PCDH15: variants seen among roughly 807,000 people sequenced by gnomAD.
PCDH15 encodes the protein protocadherin related 15.
In PCDH15, 129 loss-of-function variants were observed where a neutral mutation model predicts 178.5. The ratio of observed to expected loss-of-function variants is 0.72; its 90% CI spans 0.63 to 0.84. PCDH15 has a LOEUF of 0.84. Ranked by LOEUF, PCDH15 falls within the 40% of genes least tolerant of loss-of-function variation. The pLI is 0.00. For synonymous variants in PCDH15, 800 were observed against 732.0 expected, an observed-to-expected ratio of 1.09 and a Z score of -1.50; for missense variants, 2,230 against 2,099.9, an observed-to-expected ratio of 1.06 and a Z score of -1.21.
At chr10:55,150,131 G>A (rs993552124) in intron 2 of PCDH15, among the ~76,000 whole-genome samples, 1 of 151,810 alleles carries the variant, frequency 6.6e-6, no homozygotes, top group East Asian at 1.9e-4. Flanking sequence ...GAGGAGAGAA[G>A]ACAAGAGAAG....
At chr10:55,132,025 T>G (rs1220519289) in intron 2 of PCDH15, among the ~76,000 whole-genome samples, 1 of 152,062 alleles carries the variant, frequency 6.6e-6, no homozygotes, top group African/African-American at 2.4e-5. Context: ...GCTGTTCATG[T>G]GGATGGGTGC....
intron 1 of PCDH15, among the ~76,000 whole-genome samples, chr10:54,731,571 C>CATACACACACAT (rs376753438): frequency 1.0e-5 from 1 of 98,394 alleles, no homozygotes; most frequent in Non-Finnish European, 2.1e-5. Context: ...TATACACACA[C>CATACACACACAT]ACACACACAC....
chr10:54,046,825 A>G (rs776921397), intron 18 of PCDH15, among the ~76,000 whole-genome samples: 16 of 152,132 alleles, frequency 1.1e-4, no homozygotes, highest in Non-Finnish European at 1.8e-4. Context: ...TAAAGTTTAA[A>G]GGACAAGAGT....
intron 1 of PCDH15, among the ~76,000 whole-genome samples, chr10:55,315,593 A>G (rs561049094): frequency 2.5e-4 from 38 of 152,278 alleles, no homozygotes; most frequent in Non-Finnish European, 4.4e-4. Flanking sequence ...CCTCATCACC[A>G]TCCCCACATT....
intron 8 of PCDH15, among the ~76,000 whole-genome samples, chr10:54,298,309 A>G (rs936586284): frequency 6.6e-6 from 1 of 152,144 alleles, no homozygotes; most frequent in Admixed American, 6.5e-5. Flanking sequence ...GGCCCTGAAT[A>G]AAATCTGGAG....
intron 6 of PCDH15, among the ~76,000 whole-genome samples, chr10:54,344,904 C>CCAAAAAAAAA (rs58908008): frequency 1.1e-4 from 9 of 78,880 alleles, no homozygotes; most frequent in African/African-American, 2.9e-4. Flanking sequence ...AGAAACAAAG[C>CCAAAAAAAAA]AAAAAAAAAA....
intron 21 of PCDH15, among the ~76,000 whole-genome samples, chr10:53,984,030 A>C (rs1487472296): frequency 6.6e-6 from 1 of 151,830 alleles, no homozygotes; most frequent in Admixed American, 6.6e-5. Context: ...CTCCGCTCAG[A>C]ATCACTTCTA....
intron 13 of PCDH15, among the ~76,000 whole-genome samples, chr10:54,155,577 T>G (rs2045027786): frequency 6.6e-6 from 1 of 152,104 alleles, no homozygotes; most frequent in South Asian, 2.1e-4. Flanking sequence ...TTAAGGAAAT[T>G]AATCGTAGTC....
At chr10:54,619,886 G>A (rs1022829181) in intron 2 of PCDH15, among the ~76,000 whole-genome samples, 1 of 151,902 alleles carries the variant, frequency 6.6e-6, no homozygotes, top group Non-Finnish European at 1.5e-5. Context: ...CAAGACAGGG[G>A]TTGGCAAATT....
chr10:53,861,121 G>A (rs993094905), intron 27 of PCDH15, among the ~76,000 whole-genome samples: 4 of 151,956 alleles, frequency 2.6e-5, no homozygotes, highest in Non-Finnish European at 5.9e-5. Flanking sequence ...CCTAACTCTG[G>A]TTTGTTTTAT....
At chr10:54,829,689 T>C (rs1193258795) in intron 3 of PCDH15, among the ~76,000 whole-genome samples, 1 of 152,110 alleles carries the variant, frequency 6.6e-6, no homozygotes, top group East Asian at 1.9e-4. Context: ...GGCTTCCATG[T>C]ATCCATGTGT....
intron 18 of PCDH15, among the ~76,000 whole-genome samples, chr10:54,054,085 T>C (rs545976689): frequency 2.5e-4 from 38 of 152,214 alleles, no homozygotes; most frequent in Admixed American, 3.3e-4. Context: ...GAGCCCTTTC[T>C]GGGGAAGACG....
intron 2 of PCDH15, among the ~76,000 whole-genome samples, chr10:55,015,547 T>C (rs2131947861): frequency 6.6e-6 from 1 of 152,288 alleles, no homozygotes; most frequent in South Asian, 2.1e-4. Flanking sequence ...TGCTGGGTCC[T>C]TGGCAAGATT....
Position 53,822,351 on chromosome 10 carries a change from GGAGGAA to G in PCDH15, c.4368-2127_4368-2122del, listed in dbSNP as rs779691085. ...AACGGAAAGTGGAAAAAATGTAGGA[GGAGGAA>G]GAGGAAGAGGGATAGAAGGAGGAGA... On this transcript the variant is annotated intron_variant, in intron 32 of 37. Coordinates refer to ENST00000644397, the MANE Select transcript of PCDH15 (RefSeq NM_001384140.1). 140 of 1,582,782 alleles carry G rather than the reference GGAGGAA, an allele frequency of 8.8e-5. No homozygotes were observed. Among genetic ancestry groups the G allele is most frequent in the East Asian group, 7.2e-4 (31 of 42,930 alleles).
intron 2 of PCDH15, among the ~76,000 whole-genome samples, chr10:55,617,882 T>C (rs1194947008): frequency 1.3e-5 from 2 of 152,072 alleles, no homozygotes; most frequent in East Asian, 3.9e-4. Flanking sequence ...TCAGTTAATT[T>C]TACTCTAACT....
intron 8 of PCDH15, among the ~76,000 whole-genome samples, chr10:54,268,354 C>T (rs759264331): frequency 2.6e-5 from 4 of 151,820 alleles, no homozygotes; most frequent in African/African-American, 4.8e-5. Context: ...CTCTTTTGGA[C>T]ATTGACGTAG....
At chr10:55,109,748 A>G (rs922295569) in intron 2 of PCDH15, among the ~76,000 whole-genome samples, 12 of 152,100 alleles carry the variant, frequency 7.9e-5, no homozygotes, top group African/African-American at 2.7e-4. Context: ...TCATTCAGTA[A>G]TAAAGAAATT....
intron 3 of PCDH15, among the ~76,000 whole-genome samples, chr10:54,473,117 AC>A (rs1334621642): frequency 6.6e-6 from 1 of 152,116 alleles, no homozygotes; most frequent in Non-Finnish European, 1.5e-5. Context: ...GATAATGGCC[AC>A]AGGAGTCATT....
intron 3 of PCDH15, among the ~76,000 whole-genome samples, chr10:54,817,535 T>C (rs1258588720): frequency 6.6e-6 from 1 of 152,022 alleles, no homozygotes; most frequent in African/African-American, 2.4e-5. Context: ...ACCTCGCCCA[T>C]CACCTCAACA....
Sources: allele counts gnomAD v4.1 joint callset (sites outside exome capture counted in the v4.1 genomes callset), GRCh38; gene constraint gnomAD v4.1.1; transcripts MANE v1.5; gene names NCBI Gene and HGNC (gene_info 2026-07-23, HGNC 2026-07-21).